Variants in SLC4A7 observed in about 807,000 individuals in gnomAD.
The protein encoded by SLC4A7 is solute carrier family 4 member 7.
SLC4A7 carries 51 observed loss-of-function variants against 137.6 expected under a neutral mutation model. That is an observed-to-expected ratio of 0.37 (90% confidence interval 0.30 to 0.47). The LOEUF (loss-of-function observed/expected upper bound fraction) is 0.47. Among genes scored for constraint, SLC4A7 ranks in the 20% least tolerant of loss-of-function variants. The pLI, the probability that SLC4A7 is intolerant of heterozygous loss-of-function variation, is 1.00. For missense variants in SLC4A7, 1,247 were observed against 1,525.4 expected, an observed-to-expected ratio of 0.82 and a Z score of 3.04; for synonymous variants, 542 against 518.6, an observed-to-expected ratio of 1.05 and a Z score of -0.61.
intron 1 of SLC4A7, among the ~76,000 whole-genome samples, chr3:27,453,850 C>T (rs2058242170): frequency 6.6e-6 from 1 of 152,164 alleles, no homozygotes; most frequent in African/African-American, 2.4e-5. Context: ...GATATCCAAA[C>T]TGTAAATCAA....
At chr3:27,453,853 T>C (rs1450024079) in intron 1 of SLC4A7, among the ~76,000 whole-genome samples, 2 of 152,252 alleles carry the variant, frequency 1.3e-5, no homozygotes, top group Non-Finnish European at 2.9e-5. Flanking sequence ...ATCCAAACTG[T>C]AAATCAAATA....
chr3:27,412,742 T>G (rs1233865733), intron 11 of SLC4A7, among the ~76,000 whole-genome samples: 1 of 152,198 alleles, frequency 6.6e-6, no homozygotes, highest in Non-Finnish European at 1.5e-5. Flanking sequence ...ATCATTTAAC[T>G]GATTTAATCA....
intron 10 of SLC4A7, among the ~76,000 whole-genome samples, chr3:27,419,242 G>T (rs972443088): frequency 6.6e-6 from 1 of 151,894 alleles, no homozygotes; most frequent in Non-Finnish European, 1.5e-5. Context: ...GAAACTGATG[G>T]GAAAGAACAA....
chr3:27,420,793 GA>G lies in SLC4A7; in HGVS notation c.1425-7del, dbSNP rs1461194047. ...CCAATAACAAAAACAAAAACCTAAGGAAATATGAAAATACAGATTTTAAAAT... is the reference window on the plus strand; with the variant it reads ...CCAATAACAAAAACAAAAACCTAAGGAATATGAAAATACAGATTTTAAAAT... On this transcript the variant is annotated splice_region_variant and splice_polypyrimidine_tract_variant and intron_variant, in intron 9 of 25. Transcript: ENST00000454389. 1 of 1,597,108 alleles carries G rather than the reference GA, an allele frequency of 6.3e-7. No homozygotes were observed. Among genetic ancestry groups the G allele is most frequent in the East Asian group, 2.2e-5 (1 of 44,696 alleles).
chr3:27,449,834 T>G (rs1341676778), intron 2 of SLC4A7, among the ~76,000 whole-genome samples: 1 of 152,228 alleles, frequency 6.6e-6, no homozygotes, highest in African/African-American at 2.4e-5. Context: ...ATTAATGACA[T>G]TCCTTTCCTA....
At chr3:27,483,942 G>A in intron 1 of SLC4A7, 125 bp downstream of exon 1, 1 of 675,006 alleles carries the variant, frequency 1.5e-6, no homozygotes, top group Non-Finnish European at 2.0e-6. Context: ...GCCGCCGGGA[G>A]GTGGAGGGGC....
intron 1 of SLC4A7, among the ~76,000 whole-genome samples, chr3:27,475,839 G>T (rs2059439604): frequency 6.6e-6 from 1 of 152,158 alleles, no homozygotes; most frequent in Admixed American, 6.5e-5. Flanking sequence ...CTACTGAGTT[G>T]GTGCATTGGC....
In SLC4A7 at chr3:27,412,662, C is replaced by T. The variant is rs1010988216; in HGVS notation, c.1660-914G>A. Among the ~76,000 whole-genome samples, 22 of 152,094 alleles carry T rather than the reference C, an allele frequency of 1.4e-4. No homozygotes were observed. In the East Asian group the frequency reaches 4.1e-3, roughly 28 times the overall value. The stretch of plus-strand genomic sequence containing the variant: ...GATAAAATTTTAGACTCCTAGGAAA[C>T]AAAAATAATTTTAAAAACTACAAAT... On this transcript the variant is annotated intron_variant, in intron 11 of 25. Coordinates refer to ENST00000454389, the MANE Select transcript of SLC4A7 (RefSeq NM_001321103.2).
rs2058136870 is a variant in SLC4A7 at position 27,452,440 on chromosome 3, T to C, written c.119A>G (p.Lys40Arg). The change falls in exon 2 of 26, where the codon AAG becomes AGG. Residue 40 changes from lysine (K) to arginine (R), a missense_variant. Coordinates refer to ENST00000454389, the MANE Select transcript of SLC4A7 (RefSeq NM_001321103.2). ...LGKTSSTVNT[K>R]FEKEELESHR... Reference sequence around the variant, plus strand: ...ACTTTCTAGTTCTTCTTTTTCAAACTTGGTGTTCACAGTTGAGCTAGTTTT... The same window carrying C: ...ACTTTCTAGTTCTTCTTTTTCAAACCTGGTGTTCACAGTTGAGCTAGTTTT... 5 of 1,605,006 alleles carry C rather than the reference T, an allele frequency of 3.1e-6. No homozygotes were observed. Among genetic ancestry groups the C allele is most frequent in the Admixed American group, 1.7e-5 (1 of 57,608 alleles).
Position 27,376,829 on chromosome 3 carries a change from TCA to T in SLC4A7, c.3713_3714del (p.Val1238GlufsTer7), listed in dbSNP as rs1337720783. On this transcript the variant is annotated frameshift_variant, in exon 26 of 26. Coordinates refer to ENST00000454389, the MANE Select transcript of SLC4A7 (RefSeq NM_001321103.2). LOFTEE classifies it high-confidence loss of function. ...TCATCTTCAAAACTTATTTTCACAC[TCA>T]CAGGTTTATCAGGACTATTTAAAAC... ...TRSNMSPDKP[V>X]SVKISFEDEP... is the part of the protein sequence containing the mutation. The T allele has an allele frequency of 1.9e-6, 3 of 1,583,862 alleles. No homozygotes were observed. Among genetic ancestry groups the T allele is most frequent in the Admixed American group, 3.4e-5 (2 of 59,078 alleles).
intron 7 of SLC4A7, among the ~76,000 whole-genome samples, chr3:27,430,386 G>A (rs1012734148): frequency 1.3e-5 from 2 of 151,812 alleles, no homozygotes; most frequent in South Asian, 4.2e-4. Context: ...ACTCTGGTAG[G>A]CCAAGGTGGG....
At chr3:27,396,305 CT>C (rs1173104804) in intron 18 of SLC4A7, among the ~76,000 whole-genome samples, 1 of 152,034 alleles carries the variant, frequency 6.6e-6, no homozygotes, top group Admixed American at 6.5e-5. Context: ...CCTTGATTTG[CT>C]TCCTCAAGTA....
At chr3:27,413,144 T>C (rs928676310) in intron 11 of SLC4A7, among the ~76,000 whole-genome samples, 8 of 152,086 alleles carry the variant, frequency 5.3e-5, no homozygotes, top group Non-Finnish European at 8.8e-5. Context: ...CACAAATACA[T>C]ACTACATATA....
chr3:27,447,640 CTTTTTTTTTTTTT>C (rs71087609), intron 3 of SLC4A7, among the ~76,000 whole-genome samples: 2 of 99,696 alleles, frequency 2.0e-5, no homozygotes, highest in Non-Finnish European at 1.9e-5. Context: ...TTTTACAGCC[CTTTTTTTTTTTTT>C]TTTTTTTTTT....
At chr3:27,423,934 C>T in intron 8 of SLC4A7, 103 bp downstream of exon 8, 2 of 680,492 alleles carry the variant, frequency 2.9e-6, no homozygotes, top group South Asian at 1.9e-5. Context: ...CACCAGTCTA[C>T]TAAAAAATTA....
At chr3:27,459,844 TTAAA>T (rs2058596135) in intron 1 of SLC4A7, among the ~76,000 whole-genome samples, 1 of 151,934 alleles carries the variant, frequency 6.6e-6, no homozygotes, top group African/African-American at 2.4e-5. Context: ...CATTATAACT[TTAAA>T]TACTTTATTT....
rs769766290 is a variant in SLC4A7, at chr3:27,441,761, C to T, written c.290-4235G>A. ...CCTCAGTCTCCCAGTGTTGAAATTA[C>T]AGGCATGCGTCAACATGTCTGGCTT... On this transcript the variant is annotated intron_variant, in intron 3 of 25. Coordinates refer to ENST00000454389, the MANE Select transcript of SLC4A7 (RefSeq NM_001321103.2). Among the ~76,000 whole-genome samples, 3 of 152,108 alleles carry T rather than the reference C, an allele frequency of 2.0e-5. No homozygotes were observed. In the East Asian group the frequency reaches 5.8e-4, roughly 29 times the overall value.
intron 23 of SLC4A7, among the ~76,000 whole-genome samples, chr3:27,385,229 A>C (rs942540443): frequency 1.3e-5 from 2 of 152,182 alleles, no homozygotes; most frequent in Non-Finnish European, 2.9e-5. Flanking sequence ...AAAACCATCA[A>C]TGCTATATAC....
At chr3:27,462,089 T>A (rs886674650) in intron 1 of SLC4A7, among the ~76,000 whole-genome samples, 6 of 152,090 alleles carry the variant, frequency 3.9e-5, no homozygotes, top group Non-Finnish European at 7.4e-5. Flanking sequence ...ACAAATTTTT[T>A]AATGGACCGT....
Sources: allele counts gnomAD v4.1 joint callset (sites outside exome capture counted in the v4.1 genomes callset), GRCh38; gene constraint gnomAD v4.1.1; transcripts MANE v1.5; gene names NCBI Gene and HGNC (gene_info 2026-07-23, HGNC 2026-07-21).